The following TMEFF1 variants were observed in gnomAD, a reference collection of about 807,000 sequenced individuals.
The protein encoded by TMEFF1 is tomoregulin-1.
Under a neutral mutation model 47.5 loss-of-function variants are expected in TMEFF1, and 20 were observed. The observed-to-expected ratio is 0.42, with a 90% CI of 0.30 to 0.61. The LOEUF is 0.61. TMEFF1 is among the 20% of genes least tolerant of loss of function. The pLI is 0.19. For missense variants in TMEFF1, 411 were observed against 471.1 expected (o/e 0.87, Z 1.18); for synonymous variants, 162 against 166.3 (o/e 0.97, Z 0.20).
At chr9:100,526,157 G>A (rs1411136139) in intron 5 of TMEFF1, among the ~76,000 whole-genome samples, 1 of 152,104 alleles carries the variant, frequency 6.6e-6, no homozygotes, top group Admixed American at 6.5e-5. Flanking sequence ...GTGTTGCTTT[G>A]TTGTCTTCTA....
At chr9:100,569,941 C>T (rs549924923) in intron 8 of TMEFF1, among the ~76,000 whole-genome samples, 3 of 152,292 alleles carry the variant, frequency 2.0e-5, no homozygotes, top group African/African-American at 7.2e-5. Context: ...CCTCAAAGCA[C>T]CTCCTACCAC....
chr9:100,480,295 G>A (rs1055343272), intron 1 of TMEFF1, among the ~76,000 whole-genome samples: 2 of 151,994 alleles, frequency 1.3e-5, no homozygotes, highest in African/African-American at 4.8e-5. Context: ...TGCTAAGTTG[G>A]CTCTCGTTTG....
intron 1 of TMEFF1, among the ~76,000 whole-genome samples, chr9:100,494,391 G>A (rs1405983132): frequency 6.6e-6 from 1 of 151,942 alleles, no homozygotes; most frequent in Non-Finnish European, 1.5e-5. Flanking sequence ...ATGTATCAAT[G>A]GTGTGACCAG....
intron 1 of TMEFF1, among the ~76,000 whole-genome samples, chr9:100,481,050 T>G (rs1341311241): frequency 6.6e-6 from 1 of 152,210 alleles, no homozygotes; most frequent in African/African-American, 2.4e-5. Flanking sequence ...GATGTTCCTT[T>G]GGCTTGGAAT....
intron 8 of TMEFF1, 151 bp from the exon 9 acceptor site, chr9:100,572,367 A>G (rs1839257410): frequency 2.3e-6 from 2 of 852,012 alleles, no homozygotes; most frequent in Non-Finnish European, 3.2e-6. Flanking sequence ...AGGGAAACAT[A>G]CAAATGACAT....
intron 9 of TMEFF1, among the ~76,000 whole-genome samples, 189 bp downstream of exon 9, chr9:100,572,865 C>T (rs780019425): frequency 6.6e-6 from 1 of 151,800 alleles, no homozygotes; most frequent in Admixed American, 6.6e-5. Flanking sequence ...ACAGGTATAT[C>T]TGGGCGACAA....
In TMEFF1 at chr9:100,528,174, A is replaced by T. The variant is rs529746108; in HGVS notation, c.560+11403A>T. 3.3e-3 allele frequency among the ~76,000 whole-genome samples: 493 copies of T among 150,738 alleles called. 4 individuals are homozygous for T. The highest frequency in any genetic ancestry group is 0.011 in the African/African-American group (460 of 40,722). On this transcript the variant is annotated intron_variant, in intron 5 of 9. Transcript: ENST00000374879. ...AACAGAAAAACTGGAAACTCTAAAAAGCAGAGCGCCTCTCCTCCTCCAAAG... is the reference window on the plus strand; with the variant it reads ...AACAGAAAAACTGGAAACTCTAAAATGCAGAGCGCCTCTCCTCCTCCAAAG...
At chr9:100,524,747 TA>T (rs1306254810) in intron 5 of TMEFF1, among the ~76,000 whole-genome samples, 45 of 152,322 alleles carry the variant, frequency 3.0e-4, no homozygotes, top group East Asian at 1.2e-3. Context: ...TATCTTCATT[TA>T]TTTTTTTTTA....
intron 8 of TMEFF1, among the ~76,000 whole-genome samples, chr9:100,562,384 T>C (rs1243378433): frequency 1.3e-5 from 2 of 152,124 alleles, no homozygotes; most frequent in Non-Finnish European, 2.9e-5. Flanking sequence ...TCCAGTCTCT[T>C]GGGTCCTTCT....
chr9:100,531,447 A>T (rs1838375122), intron 5 of TMEFF1, among the ~76,000 whole-genome samples: 1 of 152,132 alleles, frequency 6.6e-6, no homozygotes, highest in African/African-American at 2.4e-5. Context: ...CCAACAACAG[A>T]CAAACAGAGA....
intron 8 of TMEFF1, among the ~76,000 whole-genome samples, chr9:100,567,245 C>A (rs1045510321): frequency 6.6e-6 from 1 of 152,186 alleles, no homozygotes; most frequent in Non-Finnish European, 1.5e-5. Flanking sequence ...CTGGCTCTTC[C>A]TTTGCCTGGT....
At chr9:100,573,916 A>C (rs547430825) in intron 9 of TMEFF1, among the ~76,000 whole-genome samples, 23 of 152,404 alleles carry the variant, frequency 1.5e-4, no homozygotes, top group African/African-American at 4.8e-4. Flanking sequence ...CATGTAACAA[A>C]TAATGATAAC....
Position 100,473,908 on chromosome 9 carries a change from T to G in TMEFF1, c.196+168T>G, listed in dbSNP as rs1162526176. Among the ~76,000 whole-genome samples the G allele has an allele frequency of 2.6e-5, 4 of 151,178 alleles. No individual in the cohort carries two copies. In the East Asian group the frequency reaches 6.0e-4, roughly 23 times the overall value. ...AGGGCGCGAGCGTGCGGTGTGGCTT[T>G]GGGACCGGCGCTGGGGATGGGAGTG... On this transcript the variant is annotated intron_variant, in intron 1 of 9. Coordinates refer to ENST00000374879, the MANE Select transcript of TMEFF1 (RefSeq NM_003692.5). This position sits in a 1 kb window ranked among gnomAD's most constrained non-coding sequence, Gnocchi z 5.4.
chr9:100,555,986 T>G (rs1010788485), intron 7 of TMEFF1, among the ~76,000 whole-genome samples: 3 of 152,216 alleles, frequency 2.0e-5, no homozygotes, highest in African/African-American at 7.2e-5. Flanking sequence ...TTTCTGACCC[T>G]AAGTGCTGCT....
chr9:100,532,380 C>A (rs1390112700), intron 5 of TMEFF1, among the ~76,000 whole-genome samples: 1 of 152,070 alleles, frequency 6.6e-6, no homozygotes, highest in Admixed American at 6.6e-5. Context: ...ACAATGAACT[C>A]CAACAAATTT....
At chr9:100,569,503 G>A (rs1001056300) in intron 8 of TMEFF1, among the ~76,000 whole-genome samples, 2 of 150,200 alleles carry the variant, frequency 1.3e-5, no homozygotes, top group African/African-American at 4.9e-5. Flanking sequence ...TCACTTTCTT[G>A]ATAATGTCCT....
At chr9:100,527,388 G>C (rs1838282625) in intron 5 of TMEFF1, among the ~76,000 whole-genome samples, 1 of 152,224 alleles carries the variant, frequency 6.6e-6, no homozygotes, top group African/African-American at 2.4e-5. Context: ...TGCGCGCACA[G>C]TGCGTGAGCC....
chr9:100,477,165 A>G (rs940021446), intron 1 of TMEFF1, among the ~76,000 whole-genome samples: 2 of 152,140 alleles, frequency 1.3e-5, no homozygotes, highest in Non-Finnish European at 2.9e-5. Context: ...GAGCAGTTCT[A>G]TGGCTTCATT....
chr9:100,492,852 G>A (rs1265749864), intron 1 of TMEFF1, among the ~76,000 whole-genome samples: 1 of 152,040 alleles, frequency 6.6e-6, no homozygotes, highest in Non-Finnish European at 1.5e-5. Flanking sequence ...GCCTGCTGGA[G>A]GTTAAGGTAC....
Sources: gnomAD v4.1 joint callset for allele counts (sites outside exome capture counted in the v4.1 genomes callset) on GRCh38, gnomAD v4.1.1 for gene constraint, Gnocchi (gnomAD v3.1) non-coding constraint, MANE v1.5 for transcripts, NCBI Gene and HGNC (gene_info 2026-07-23, HGNC 2026-07-21) for gene names.